The following TMEM17 variants were observed in gnomAD, a reference collection of about 807,000 sequenced individuals.
The protein encoded by TMEM17 is transmembrane protein 17.
A neutral mutation model predicts 19.1 loss-of-function variants in TMEM17; 15 were observed. The ratio of observed to expected loss-of-function variants is 0.78; its 90% CI spans 0.52 to 1.21. TMEM17 has a LOEUF of 1.21. Among genes scored for constraint, TMEM17 ranks in the 50% most tolerant of loss-of-function variants. The pLI is 0.00. For missense variants in TMEM17, 245 were observed against 242.3 expected, an observed-to-expected ratio of 1.01 and a Z score of -0.07; for synonymous variants, 103 against 86.9, an observed-to-expected ratio of 1.19 and a Z score of -1.03.
the TMEM17 span, among the ~76,000 whole-genome samples, chr2:62,458,770 G>A: frequency 1.2e-4 from 19 of 152,210 alleles, no homozygotes; most frequent in Admixed American, 1.2e-3. Flanking sequence ...AACTCAGGGC[G>A]AGGCAATGCT....
chr2:62,458,809 A>G, the TMEM17 span, among the ~76,000 whole-genome samples: 1 of 152,196 alleles, frequency 6.6e-6, no homozygotes, highest in Non-Finnish European at 1.5e-5. Flanking sequence ...TGTGAGCGTG[A>G]CAGCTGGTCC....
At chr2:62,472,392 C>T in the TMEM17 span, among the ~76,000 whole-genome samples, 1 of 152,136 alleles carries the variant, frequency 6.6e-6, no homozygotes, top group African/African-American at 2.4e-5. Flanking sequence ...ACTGCAGACT[C>T]TAGGCTTTCC....
chr2:62,489,047 A>G, the TMEM17 span, among the ~76,000 whole-genome samples: 1 of 152,180 alleles, frequency 6.6e-6, no homozygotes, highest in Non-Finnish European at 1.5e-5. Context: ...CACATCACAT[A>G]TATCCCCTCA....
chr2:62,470,435 C>T, the TMEM17 span, among the ~76,000 whole-genome samples: 1 of 152,228 alleles, frequency 6.6e-6, no homozygotes, highest in Non-Finnish European at 1.5e-5. Context: ...GTGTGGCTGC[C>T]CTCAGAGGGA....
At chr2:62,495,242 TTTGTATC>T (rs1679752012), downstream of TMEM17, among the ~76,000 whole-genome samples, 1 of 152,200 alleles carries the variant, frequency 6.6e-6, no homozygotes, top group African/African-American at 2.4e-5. Context: ...TGTCCTACGA[TTTGTATC>T]TTGTTTTCAG....
chr2:62,505,101 A>G (rs1057234260), intron 1 of TMEM17, among the ~76,000 whole-genome samples: 2 of 152,208 alleles, frequency 1.3e-5, no homozygotes, highest in African/African-American at 2.4e-5. Flanking sequence ...GATCAAGGTG[A>G]CAAAATGCAG....
chr2:62,488,196 G>C, the TMEM17 span, among the ~76,000 whole-genome samples: 1 of 152,008 alleles, frequency 6.6e-6, no homozygotes, highest in African/African-American at 2.4e-5. Context: ...AATTCGTCTC[G>C]AGCTTTGTCA....
the TMEM17 span, among the ~76,000 whole-genome samples, chr2:62,466,500 C>T: frequency 6.6e-6 from 1 of 152,150 alleles, no homozygotes; most frequent in Non-Finnish European, 1.5e-5. Context: ...AGGTGGGAGG[C>T]CTACTTGGCC....
rs374432651 is a variant in TMEM17, at chr2:62,501,169, T to C, written c.*40A>G. On this transcript the variant is annotated 3_prime_UTR_variant, in exon 4 of 4. Coordinates refer to ENST00000335390, the MANE Select transcript of TMEM17 (RefSeq NM_198276.3). ...TGATATTTTCCTAACTCTTACAGTC[T>C]CTAGAATGATCTGTCAGATTTTCAC... 2 of 1,595,162 alleles carry C rather than the reference T, an allele frequency of 1.3e-6. No homozygotes were observed. Among genetic ancestry groups the C allele is most frequent in the Non-Finnish European group, 1.7e-6 (2 of 1,168,624 alleles).
chr2:62,503,063 T>C (rs1484028593), intron 1 of TMEM17, among the ~76,000 whole-genome samples: 2 of 152,234 alleles, frequency 1.3e-5, no homozygotes, highest in Non-Finnish European at 2.9e-5. Flanking sequence ...ATACTACTGG[T>C]ATAGATTTAA....
At chr2:62,477,351 C>T in the TMEM17 span, among the ~76,000 whole-genome samples, 4 of 152,112 alleles carry the variant, frequency 2.6e-5, no homozygotes, top group South Asian at 4.1e-4. Flanking sequence ...GAGCTAGGAT[C>T]GCACCACTGT....
chr2:62,468,267 A>T, the TMEM17 span, among the ~76,000 whole-genome samples: 1 of 152,096 alleles, frequency 6.6e-6, no homozygotes, highest in Admixed American at 6.5e-5. Context: ...GAGCAAAGAG[A>T]GAAGGCCGTG....
the TMEM17 span, among the ~76,000 whole-genome samples, chr2:62,492,790 C>T: frequency 6.6e-6 from 1 of 152,218 alleles, no homozygotes; most frequent in Non-Finnish European, 1.5e-5. Context: ...GAAGATGTGA[C>T]AGTTGAGCCA....
downstream of TMEM17, among the ~76,000 whole-genome samples, chr2:62,499,329 T>C (rs1679859680): frequency 6.6e-6 from 1 of 152,202 alleles, no homozygotes; most frequent in Non-Finnish European, 1.5e-5. Context: ...CATCCCCTAA[T>C]TTATCTGCTT....
At chr2:62,464,817 T>G in the TMEM17 span, among the ~76,000 whole-genome samples, 12 of 152,068 alleles carry the variant, frequency 7.9e-5, no homozygotes, top group Admixed American at 7.9e-4. Flanking sequence ...CATAGGGAGT[T>G]GAAGCTATCT....
chr2:62,467,206 G>A, the TMEM17 span, among the ~76,000 whole-genome samples: 5 of 117,722 alleles, frequency 4.2e-5, no homozygotes, highest in South Asian at 3.1e-4. Flanking sequence ...CCCCGCCCAC[G>A]CCTCCCCACC....
At chr2:62,462,915 C>T in the TMEM17 span, among the ~76,000 whole-genome samples, 1 of 152,188 alleles carries the variant, frequency 6.6e-6, no homozygotes, top group Non-Finnish European at 1.5e-5. Flanking sequence ...AGAGGCCCTG[C>T]CCACATTTTT....
the TMEM17 span, among the ~76,000 whole-genome samples, chr2:62,469,101 G>T: frequency 3.9e-5 from 6 of 152,156 alleles, no homozygotes; most frequent in East Asian, 1.2e-3. Context: ...GATATTTCAG[G>T]TACACATTTA....
chr2:62,487,371 G>A, the TMEM17 span, among the ~76,000 whole-genome samples: 213 of 152,138 alleles, frequency 1.4e-3, 1 homozygote, highest in African/African-American at 4.9e-3. Flanking sequence ...TGATTGCATC[G>A]GATAATCCAA....
Sources: gnomAD v4.1 joint callset for allele counts (sites outside exome capture counted in the v4.1 genomes callset) on GRCh38, gnomAD v4.1.1 for gene constraint, MANE v1.5 for transcripts, NCBI Gene and HGNC (gene_info 2026-07-23, HGNC 2026-07-21) for gene names.